ABHD18: variants seen among roughly 807,000 people sequenced by gnomAD.
ABHD18 encodes abhydrolase domain containing 18.
In ABHD18, 55 loss-of-function variants were observed where a neutral mutation model predicts 65.9. The observed-to-expected ratio is 0.84, with a 90% CI of 0.67 to 1.05. The LOEUF is 1.05. ABHD18 is among the 50% of genes least tolerant of loss of function. The pLI is 0.00. For missense variants in ABHD18, 533 were observed against 558.5 expected, an observed-to-expected ratio of 0.95 and a Z score of 0.46; for synonymous variants, 181 against 180.2, an observed-to-expected ratio of 1.00 and a Z score of -0.04.
In ABHD18 at chr4:128,010,295, C is replaced by T. The variant is rs202120744; in HGVS notation, c.442+1104C>T. Among the ~76,000 whole-genome samples the T allele has an allele frequency of 4.7e-4, 72 of 152,138 alleles. No individual in the cohort carries two copies. The East Asian group carries it at 0.012, about 25-fold the overall frequency. ...CTGTAATCCCAGGACTTTGGGAGGC[C>T]GAGGTGGGCAGATGATCTGAGGTCA... On this transcript the variant is annotated intron_variant, in intron 6 of 12. Coordinates refer to ENST00000645843, the MANE Select transcript of ABHD18 (RefSeq NM_001358451.3).
At chr4:128,031,478 A>T (rs72618821) in intron 12 of ABHD18, among the ~76,000 whole-genome samples, 7,372 of 151,992 alleles carry the variant, frequency 0.049, 413 homozygotes, top group East Asian at 0.27. Context: ...AAAAAAAAAA[A>T]TTTTTTTATG....
chr4:127,974,953 G>T lies in ABHD18; in HGVS notation c.-17-7986G>T, dbSNP rs189935387. 1.1e-4 allele frequency among the ~76,000 whole-genome samples: 14 copies of T among 131,290 alleles called. No individual in the cohort carries two copies. In the East Asian group the frequency reaches 3.1e-3, roughly 29 times the overall value. 86.1% of individuals were successfully genotyped at this position (131,290 alleles called of 152,430 possible). ...GGAGGTTGCAGTGAGCCGAGATCGCGCCATTGCACTCCAGCCTAGGCAACA... is the reference window on the plus strand; with the variant it reads ...GGAGGTTGCAGTGAGCCGAGATCGCTCCATTGCACTCCAGCCTAGGCAACA... On this transcript the variant is annotated intron_variant, in intron 1 of 12. Transcript: ENST00000645843.
intron 4 of ABHD18, among the ~76,000 whole-genome samples, chr4:127,992,064 A>T (rs1751010597): frequency 6.6e-6 from 1 of 152,194 alleles, no homozygotes; most frequent in Admixed American, 6.5e-5. Context: ...ACAGATCTGG[A>T]ATTGAACCCT....
At chr4:127,982,253 G>A (rs1416320064) in intron 1 of ABHD18, among the ~76,000 whole-genome samples, 1 of 152,066 alleles carries the variant, frequency 6.6e-6, no homozygotes, top group African/African-American at 2.4e-5. Context: ...TCTGAATCAG[G>A]TTTCACCCGC....
chr4:127,986,161 A>C lies in ABHD18; in HGVS notation c.177+1738A>C, dbSNP rs140643693. Among the ~76,000 whole-genome samples the C allele has an allele frequency of 3.3e-3, 509 of 152,352 alleles. 2 individuals are homozygous for C. The highest frequency in any genetic ancestry group is 0.012 in the African/African-American group (488 of 41,588). On this transcript the variant is annotated intron_variant, in intron 3 of 12. Transcript: ENST00000645843. ...CCTAAAAAGAAACCCTGTATCCATT[A>C]GCTGTCACTTTCCATTGCCTCTTCC... is the stretch of plus-strand genomic sequence containing the variant.
At chr4:128,018,268 T>C (rs147035647) in intron 8 of ABHD18, among the ~76,000 whole-genome samples, 1 of 152,328 alleles carries the variant, frequency 6.6e-6, no homozygotes, top group African/African-American at 2.4e-5. Context: ...GAATATGCTC[T>C]GGTTTATTAC....
chr4:127,968,561 GA>G (rs1400592302), intron 1 of ABHD18, among the ~76,000 whole-genome samples: 1 of 151,944 alleles, frequency 6.6e-6, no homozygotes, highest in Non-Finnish European at 1.5e-5. Flanking sequence ...CAAATGACAG[GA>G]AATAAAAGCA....
intron 3 of ABHD18, among the ~76,000 whole-genome samples, chr4:127,987,420 C>G (rs977826195): frequency 6.6e-6 from 1 of 151,660 alleles, no homozygotes; most frequent in Non-Finnish European, 1.5e-5. Flanking sequence ...TTATAAAATA[C>G]ATAAGAGGGT....
chr4:128,014,124 C>G (rs1421748181), intron 7 of ABHD18, among the ~76,000 whole-genome samples: 1 of 151,844 alleles, frequency 6.6e-6, no homozygotes, highest in Non-Finnish European at 1.5e-5. Flanking sequence ...GCTGGGATTA[C>G]AGGCATGCGC....
intron 1 of ABHD18, among the ~76,000 whole-genome samples, chr4:127,966,696 A>G (rs1745510508): frequency 9.1e-6 from 1 of 109,556 alleles, no homozygotes; most frequent in African/African-American, 3.4e-5. Flanking sequence ...GTCTCTACTA[A>G]AAATACAAAA....
chr4:127,998,536 GCTGA>G (rs1449945745), intron 4 of ABHD18, among the ~76,000 whole-genome samples: 3 of 144,752 alleles, frequency 2.1e-5, no homozygotes, highest in Non-Finnish European at 4.5e-5. Flanking sequence ...ACTGCTCCCG[GCTGA>G]CTTTTTTTTT....
chr4:128,001,492 T>C (rs1752620262), intron 4 of ABHD18, among the ~76,000 whole-genome samples: 2 of 152,166 alleles, frequency 1.3e-5, no homozygotes, highest in African/African-American at 4.8e-5. Context: ...GCCCACCTGA[T>C]TGTGGTGAAT....
intron 7 of ABHD18, among the ~76,000 whole-genome samples, chr4:128,014,396 C>T (rs1273072434): frequency 6.6e-6 from 1 of 152,124 alleles, no homozygotes; most frequent in Non-Finnish European, 1.5e-5. Flanking sequence ...TAGTGAGAGG[C>T]AGCCTGGGTT....
At chr4:127,994,502 G>A (rs369178117) in intron 4 of ABHD18, among the ~76,000 whole-genome samples, 18 of 152,020 alleles carry the variant, frequency 1.2e-4, no homozygotes, top group Admixed American at 9.2e-4. Context: ...CAGGAGAATC[G>A]CTTGAACCTG....
rs1340024679 is a variant in ABHD18 at position 128,011,714 on chromosome 4, A to C, written c.470+14A>C. 6.5e-7 allele frequency: 1 copy of C among 1,530,466 alleles called. No homozygotes were observed. Among genetic ancestry groups the C allele is most frequent in the African/African-American group, 1.4e-5 (1 of 72,080 alleles). 94.8% of individuals were successfully genotyped at this position (1,530,466 alleles called of 1,614,324 possible). A position where few individuals can be genotyped will look rare whatever the true frequency, so the allele number is the denominator to read the frequency against. On this transcript the variant is annotated intron_variant, in intron 7 of 12. Transcript: ENST00000645843. ...CAAGGACCAAGTGTAAGTATATATC[A>C]CTTTCATTTTTGCAGTCTTTTTACC...
intron 4 of ABHD18, among the ~76,000 whole-genome samples, chr4:128,004,121 G>A (rs115074045): frequency 0.013 from 2,020 of 151,360 alleles, 25 homozygotes; most frequent in South Asian, 0.059. Flanking sequence ...CTATTTGTTC[G>A]TCTCTACTTT....
intron 4 of ABHD18, among the ~76,000 whole-genome samples, chr4:128,007,563 G>A (rs1461467533): frequency 2.6e-5 from 4 of 150,994 alleles, no homozygotes; most frequent in Non-Finnish European, 5.9e-5. Flanking sequence ...GCAACATAGC[G>A]AGACCCCATG....
chr4:128,028,375 A>T (rs1211406688), intron 10 of ABHD18, 100 bp from the exon 11 acceptor site: 3 of 867,360 alleles, frequency 3.5e-6, no homozygotes, highest in Non-Finnish European at 5.0e-6. Context: ...TTATCCATTT[A>T]TTCATTGATG....
rs761709628 is a variant in ABHD18, at chr4:128,030,626, G to A, written c.1297G>A (p.Glu433Lys). 1.2e-6 allele frequency: 2 copies of A among 1,606,666 alleles called. No homozygotes were observed. The highest frequency in any genetic ancestry group is 1.3e-5 in the African/African-American group (1 of 74,656). Residue 433 changes from glutamate (E) to lysine (K), a missense_variant, in exon 12 of 13, where the codon GAA becomes AAA. Glu to Lys is a moderately conservative substitution (Grantham distance 56). Coordinates refer to ENST00000645843, the MANE Select transcript of ABHD18 (RefSeq NM_001358451.3). ...GCCTGGTTGTGAAATCCGATACTTA[G>A]AAGGGGGTCATATTAGTGCTTATCT... ...IWPGCEIRYL[E>K]GGHISAYLFK...
Sources: gnomAD v4.1 joint callset for allele counts (sites outside exome capture counted in the v4.1 genomes callset) on GRCh38, gnomAD v4.1.1 for gene constraint, MANE v1.5 for transcripts, NCBI Gene and HGNC (gene_info 2026-07-23, HGNC 2026-07-21) for gene names.